Variants in ADK observed in about 807,000 individuals in gnomAD.
ADK encodes the protein adenosine kinase, also known as N6,N6-dimethyladenosine kinase.
ADK carries 24 observed loss-of-function variants against 44.7 expected under a neutral mutation model. That is an observed-to-expected ratio of 0.54 (90% CI 0.39 to 0.76). The LOEUF (loss-of-function observed/expected upper bound fraction) is 0.76. Among genes scored for constraint, ADK ranks in the 30% least tolerant of loss-of-function variants. ADK has a pLI of 0.00. For synonymous variants in ADK, 128 were observed against 142.6 expected, an observed-to-expected ratio of 0.90 and a Z score of 0.73; for missense variants, 321 against 425.1, an observed-to-expected ratio of 0.76 and a Z score of 2.15.
intron 3 of ADK, among the ~76,000 whole-genome samples, chr10:74,300,273 T>C (rs1054617353): frequency 8.6e-5 from 4 of 46,738 alleles, no homozygotes; most frequent in African/African-American, 3.0e-4. Flanking sequence ...CTTCCTTCCT[T>C]CCTTCCTTCC....
intron 7 of ADK, among the ~76,000 whole-genome samples, chr10:74,576,018 G>A (rs952868406): frequency 5.3e-5 from 8 of 152,068 alleles, no homozygotes; most frequent in African/African-American, 1.2e-4. Context: ...GACACAGAAA[G>A]TGAGGCAGGA....
intron 3 of ADK, among the ~76,000 whole-genome samples, chr10:74,276,943 A>C (rs1356286360): frequency 6.7e-6 from 1 of 149,988 alleles, no homozygotes; most frequent in African/African-American, 2.5e-5. Context: ...TTTGAGACGG[A>C]GTCTCAGTCT....
chr10:74,560,075 C>G (rs1053787259), intron 7 of ADK, among the ~76,000 whole-genome samples: 32 of 152,098 alleles, frequency 2.1e-4, no homozygotes, highest in African/African-American at 7.2e-4. Flanking sequence ...CACCACCATG[C>G]CCAGATAATT....
At chr10:74,667,756 A>G (rs539989260) in intron 9 of ADK, among the ~76,000 whole-genome samples, 87 of 151,804 alleles carry the variant, frequency 5.7e-4, no homozygotes, top group Non-Finnish European at 1.1e-3. Context: ...AGGCTGGCTG[A>G]ACTCCTGACC....
intron 3 of ADK, among the ~76,000 whole-genome samples, chr10:74,291,104 A>G (rs923929199): frequency 6.6e-6 from 1 of 152,164 alleles, no homozygotes; most frequent in South Asian, 2.1e-4. Flanking sequence ...TTGGCTCATT[A>G]TTATCTTTAG....
intron 6 of ADK, among the ~76,000 whole-genome samples, chr10:74,486,803 A>G (rs1847282663): frequency 6.6e-6 from 1 of 152,212 alleles, no homozygotes; most frequent in African/African-American, 2.4e-5. Flanking sequence ...TTGACATAAC[A>G]AGTATAATCC....
chr10:74,254,334 C>T (rs1219427460), intron 3 of ADK, among the ~76,000 whole-genome samples: 1 of 152,090 alleles, frequency 6.6e-6, no homozygotes, highest in Non-Finnish European at 1.5e-5. Flanking sequence ...ATTTACTTCA[C>T]ACCTAATTTT....
At position 74,386,264 on chromosome 10, in the gene ADK, T is replaced by TA. The variant is rs1355641041; in HGVS notation, c.274-7873dup. Among the ~76,000 whole-genome samples, 20 of 152,338 alleles carry TA rather than the reference T, an allele frequency of 1.3e-4. No individual in the cohort carries two copies. In the East Asian group the frequency reaches 2.7e-3, roughly 21 times the overall value. ...GAGATGCCTCATTGAGTTTTCTGTATAAAATTTCATATCTTTGGCTTATCT... is the reference window on the plus strand; with the variant it reads ...GAGATGCCTCATTGAGTTTTCTGTATAAAAATTTCATATCTTTGGCTTATCT... On this transcript the variant is annotated intron_variant, in intron 4 of 10. Transcript: ENST00000539909.
intron 1 of ADK, among the ~76,000 whole-genome samples, chr10:74,152,569 C>T (rs1475466675): frequency 6.6e-6 from 1 of 152,182 alleles, no homozygotes; most frequent in African/African-American, 2.4e-5. Context: ...CAACTTTTCC[C>T]TACCATCCTA....
intron 4 of ADK, among the ~76,000 whole-genome samples, chr10:74,335,291 T>C (rs993973302): frequency 1.3e-5 from 2 of 152,236 alleles, no homozygotes; most frequent in Non-Finnish European, 2.9e-5. Context: ...TGCCATTGGC[T>C]GTGCCAAAAC....
chr10:74,558,132 T>G (rs1564791150), intron 7 of ADK, among the ~76,000 whole-genome samples: 1 of 152,214 alleles, frequency 6.6e-6, no homozygotes, highest in Non-Finnish European at 1.5e-5. Flanking sequence ...CAGTCAGAGT[T>G]CAGTCTTCAG....
chr10:74,620,070 A>T (rs1279770333), intron 9 of ADK, among the ~76,000 whole-genome samples: 2 of 152,192 alleles, frequency 1.3e-5, no homozygotes, highest in Admixed American at 6.5e-5. Context: ...GAGCAGAGCA[A>T]TTAGCATATC....
chr10:74,411,815 G>A (rs1445121423), intron 6 of ADK, among the ~76,000 whole-genome samples: 2 of 152,194 alleles, frequency 1.3e-5, no homozygotes, highest in Non-Finnish European at 2.9e-5. Flanking sequence ...TGAAATTGGA[G>A]TCAGCCCTCT....
chr10:74,600,744 G>C (rs1852092489), intron 9 of ADK, among the ~76,000 whole-genome samples: 1 of 151,588 alleles, frequency 6.6e-6, no homozygotes, highest in Non-Finnish European at 1.5e-5. Context: ...TTATCTTGGG[G>C]ATTTTGTCAA....
chr10:74,251,894 C>CTTTTTTTTTTTTTTTTTT (rs566363104), intron 3 of ADK, among the ~76,000 whole-genome samples: 1 of 99,386 alleles, frequency 1.0e-5, no homozygotes, highest in Non-Finnish European at 1.9e-5. Flanking sequence ...GTGGCAGATA[C>CTTTTTTTTTTTTTTTTTT]TTTTTTTTTT....
At chr10:74,522,739 G>T (rs1848887555) in intron 6 of ADK, among the ~76,000 whole-genome samples, 1 of 152,014 alleles carries the variant, frequency 6.6e-6, no homozygotes, top group Non-Finnish European at 1.5e-5. Context: ...ACTTTTAACA[G>T]AAGTTTCTTT....
intron 6 of ADK, among the ~76,000 whole-genome samples, chr10:74,517,541 T>A (rs1848638059): frequency 6.6e-6 from 1 of 151,766 alleles, no homozygotes; most frequent in Admixed American, 6.6e-5. Context: ...ATACAAAAAC[T>A]AGCTGGGCGT....
intron 10 of ADK, among the ~76,000 whole-genome samples, chr10:74,701,570 A>G (rs1006826060): frequency 2.6e-5 from 4 of 152,222 alleles, no homozygotes; most frequent in Non-Finnish European, 1.5e-5. Flanking sequence ...ACCAGCCTGA[A>G]CGGCTCCCAC....
In ADK at chr10:74,487,462, G is replaced by GT. The variant is rs542410108; in HGVS notation, c.556-37786dup. ...TTTATTTTATGAAATATTTCATTTT[G>GT]TTTTTTTTCTGGGCACTTTAAAATT... On this transcript the variant is annotated intron_variant, in intron 6 of 10. Coordinates refer to ENST00000539909, the MANE Select transcript of ADK (RefSeq NM_006721.4). Among the ~76,000 whole-genome samples, 773 of 149,834 alleles carry GT rather than the reference G, an allele frequency of 5.2e-3. 11 individuals are homozygous for GT. Among genetic ancestry groups the GT allele is most frequent in the African/African-American group, 0.018 (721 of 40,980 alleles).
Sources: gnomAD v4.1 joint callset for allele counts (sites outside exome capture counted in the v4.1 genomes callset) on GRCh38, gnomAD v4.1.1 for gene constraint, MANE v1.5 for transcripts, NCBI Gene and HGNC (gene_info 2026-07-23, HGNC 2026-07-21) for gene names.